The following SLC2A11 variants were observed in gnomAD, a reference collection of about 807,000 sequenced individuals.
SLC2A11 encodes the protein solute carrier family 2 member 11, also known as solute carrier family 2, facilitated glucose transporter member 11.
Under a neutral mutation model 52.1 loss-of-function variants are expected in SLC2A11, and 43 were observed. That is an observed-to-expected ratio of 0.82 (90% CI 0.65 to 1.06). The LOEUF (loss-of-function observed/expected upper bound fraction) is 1.06, where lower values mean the gene tolerates loss of function less well. Among genes scored for constraint, SLC2A11 ranks in the 50% least tolerant of loss-of-function variants. SLC2A11 has a pLI of 0.00. For missense variants in SLC2A11, 582 were observed against 654.2 expected, an observed-to-expected ratio of 0.89 and a Z score of 1.20; for synonymous variants, 261 against 277.6, an observed-to-expected ratio of 0.94 and a Z score of 0.59.
At chr22:23,864,934 C>A (rs1050812140) in intron 2 of SLC2A11, among the ~76,000 whole-genome samples, 2 of 151,148 alleles carry the variant, frequency 1.3e-5, no homozygotes, top group Non-Finnish European at 2.9e-5. Flanking sequence ...ATGATTAAAC[C>A]CTGTCTCCAC....
Position 23,884,454 on chromosome 22 carries a change from G to T in SLC2A11, c.1299+25G>T. ...GGTAGGCCCGCCCCTCCCGCTGGGG[G>T]CCCTGCCTTAGGCTGTGTCCCTGTC... On this transcript the variant is annotated intron_variant, in intron 11 of 11. Transcript: ENST00000316185. The surrounding 1 kb of genome is among the most constrained non-coding windows in gnomAD (Gnocchi z 4.3). 1 of 1,608,490 alleles carries T rather than the reference G, an allele frequency of 6.2e-7. No individual in the cohort carries two copies. The highest frequency in any genetic ancestry group is 1.1e-5 in the South Asian group (1 of 90,148).
intron 3 of SLC2A11, chr22:23,870,082 C>T: frequency 2.8e-6 from 2 of 716,772 alleles, no homozygotes; most frequent in African/African-American, 3.5e-5. Context: ...ACCTTCAAAC[C>T]ATAGCACCAG....
intron 8 of SLC2A11, 49 bp downstream of exon 8, chr22:23,882,918 C>T: frequency 6.6e-7 from 1 of 1,505,128 alleles, no homozygotes; most frequent in Non-Finnish European, 9.1e-7. Flanking sequence ...GGGAGGGACC[C>T]CCAGGTCCTC....
Position 23,884,200 on chromosome 22 carries a change from C to G in SLC2A11, c.1172-102C>G, listed in dbSNP as rs554643014. 2,722 of 1,502,376 alleles carry G rather than the reference C, an allele frequency of 1.8e-3. 62 individuals carry two copies. In the South Asian group the frequency reaches 0.033, roughly 18 times the overall value. 93.1% of individuals were successfully genotyped at this position (1,502,376 alleles called of 1,614,324 possible). ...GGAGAGCACTGAGGGGCCCCCCATA[C>G]AGACTGGGCCTGGGCTCCCACTCCC... On this transcript the variant is annotated intron_variant, in intron 10 of 11. Coordinates refer to ENST00000316185, the MANE Select transcript of SLC2A11 (RefSeq NM_001024939.4). This position sits in a 1 kb window ranked among gnomAD's most constrained non-coding sequence, Gnocchi z 4.3.
chr22:23,869,381 G>C (rs1454939687), intron 3 of SLC2A11: 1 of 152,808 alleles, frequency 6.5e-6, no homozygotes, highest in East Asian at 1.9e-4. Context: ...CTGGCTACTC[G>C]GGAGGCTGAG....
chr22:23,857,747 C>T, upstream of SLC2A11: 5 of 1,330,926 alleles, frequency 3.8e-6, no homozygotes, highest in South Asian at 3.0e-5. Context: ...GCCTTAGTCC[C>T]GGCCATCGTT....
At chr22:23,877,901 C>G in intron 6 of SLC2A11, 32 bp downstream of exon 6, 1 of 1,586,916 alleles carries the variant, frequency 6.3e-7, no homozygotes, top group Non-Finnish European at 8.6e-7. Flanking sequence ...CCCAGACTGC[C>G]CTTGACCAAG....
intron 8 of SLC2A11, 61 bp from the exon 9 acceptor site, chr22:23,883,711 C>T: frequency 1.4e-6 from 2 of 1,384,060 alleles, no homozygotes; most frequent in Non-Finnish European, 1.9e-6. Flanking sequence ...CTTCCCATTG[C>T]CTGCCCCAGA....
At chr22:23,875,268 C>T (rs771731776) in intron 4 of SLC2A11, 27 bp downstream of exon 4, 1 of 1,365,146 alleles carries the variant, frequency 7.3e-7, no homozygotes, top group Non-Finnish European at 9.5e-7. Context: ...TCTCATCCTG[C>T]CTCTCTATGC....
intron 1 of SLC2A11, among the ~76,000 whole-genome samples, chr22:23,859,225 G>A (rs1442096263): frequency 6.6e-6 from 1 of 152,224 alleles, no homozygotes; most frequent in Admixed American, 6.5e-5. Flanking sequence ...CAGATGCCAG[G>A]TTTCTCACCT....
intron 6 of SLC2A11, among the ~76,000 whole-genome samples, chr22:23,878,643 C>G (rs932437886): frequency 6.6e-6 from 1 of 152,194 alleles, no homozygotes; most frequent in Non-Finnish European, 1.5e-5. Flanking sequence ...ATATCCTCTC[C>G]CATCGCAAGG....
rs779068562 is a variant in SLC2A11, at chr22:23,877,216, A to C, written c.545+45A>C. The C allele has an allele frequency of 2.5e-6, 4 of 1,577,800 alleles. No individual in the cohort carries two copies. In the South Asian group the frequency reaches 3.5e-5, roughly 14 times the overall value. The stretch of plus-strand genomic sequence containing the variant: ...ATGCATTGAGTATTTCGGAGATACC[A>C]GTAAAAGCGTTTCTTCACCTAAATG... On this transcript the variant is annotated intron_variant, in intron 5 of 11. Coordinates refer to ENST00000316185, the MANE Select transcript of SLC2A11 (RefSeq NM_001024939.4).
intron 6 of SLC2A11, 24 bp downstream of exon 6, chr22:23,877,893 C>T: frequency 1.3e-6 from 2 of 1,597,192 alleles, no homozygotes; most frequent in Non-Finnish European, 1.7e-6. Flanking sequence ...CTTGGGCTCC[C>T]AGACTGCCCT....
chr22:23,882,980 GC>G, intron 8 of SLC2A11, 111 bp downstream of exon 8: 1 of 1,032,328 alleles, frequency 9.7e-7, no homozygotes, highest in Non-Finnish European at 1.5e-6. Flanking sequence ...GCAGTGAGGG[GC>G]CAGGTGCGGT....
chr22:23,877,569 AG>A, intron 5 of SLC2A11, 151 bp from the exon 6 acceptor site: 1 of 1,033,948 alleles, frequency 9.7e-7, no homozygotes, highest in Non-Finnish European at 1.5e-6. Context: ...CCTGGGTGGG[AG>A]GGATCTTGAT....
At chr22:23,872,708 G>A (rs1431949167) in intron 3 of SLC2A11, 1 of 152,246 alleles carries the variant, frequency 6.6e-6, no homozygotes, top group Non-Finnish European at 1.5e-5. Flanking sequence ...GAAGCTCTCA[G>A]AGGTTTGTCC....
intron 2 of SLC2A11, among the ~76,000 whole-genome samples, chr22:23,863,174 T>A (rs1249189359): frequency 6.6e-6 from 1 of 152,184 alleles, no homozygotes; most frequent in Non-Finnish European, 1.5e-5. Context: ...CCTCTAAGCC[T>A]CCTTCCACGG....
At chr22:23,857,449 G>A (rs1276936178), upstream of SLC2A11, 4 of 1,613,228 alleles carry the variant, frequency 2.5e-6, no homozygotes, top group Non-Finnish European at 3.4e-6. Context: ...GCCGAGTAAG[G>A]AGTGAGCGGC....
At chr22:23,883,911 G>T in intron 9 of SLC2A11, 38 bp downstream of exon 9, 7 of 1,610,654 alleles carry the variant, frequency 4.3e-6, no homozygotes, top group Non-Finnish European at 5.9e-6. Flanking sequence ...GTCCAGGCCG[G>T]GCTGACTTCC....
Sources: allele counts gnomAD v4.1 joint callset (sites outside exome capture counted in the v4.1 genomes callset), GRCh38; gene constraint gnomAD v4.1.1; non-coding constraint Gnocchi (gnomAD v3.1); transcripts MANE v1.5; gene names NCBI Gene and HGNC (gene_info 2026-07-23, HGNC 2026-07-21).